PIBF1: variants seen among roughly 807,000 people sequenced by gnomAD.
PIBF1 encodes the protein progesterone-induced-blocking factor 1.
Under a neutral mutation model 112.5 loss-of-function variants are expected in PIBF1, and 90 were observed. That is an observed-to-expected ratio of 0.80 (90% CI 0.67 to 0.95). PIBF1 has a LOEUF of 0.95. Ranked by LOEUF, PIBF1 falls within the 40% of genes least tolerant of loss-of-function variation. PIBF1 has a pLI of 0.00. For synonymous variants in PIBF1, 301 were observed against 288.6 expected (o/e 1.04, Z -0.44); for missense variants, 915 against 852.3 (o/e 1.07, Z -0.92).
rs994794883 is a variant in PIBF1 at position 72,993,240 on chromosome 13, G to A, written c.2050-5582G>A. ...CTCAGGAGGCTAAGGTGGGAGGATC[G>A]CTTGAGCCCAGGAGGCGGAGGTTGT... On this transcript the variant is annotated intron_variant, in intron 16 of 17. Coordinates refer to ENST00000326291, the MANE Select transcript of PIBF1 (RefSeq NM_006346.4). Among the ~76,000 whole-genome samples, 11 of 152,050 alleles carry A rather than the reference G, an allele frequency of 7.2e-5. No individual in the cohort carries two copies. The East Asian group carries it at 1.4e-3, about 19-fold the overall frequency.
rs563979341 is a variant in PIBF1, at chr13:72,893,321, G to T, written c.1323-463G>T. ...TTGTAATATCAAAATATATGTATAT[G>T]TACTAAGTTTATTTTGCAAGTGTTT... is the stretch of plus-strand genomic sequence containing the variant. On this transcript the variant is annotated intron_variant, in intron 10 of 17. Transcript: ENST00000326291. Among the ~76,000 whole-genome samples the T allele has an allele frequency of 7.2e-5, 11 of 152,086 alleles. No individual in the cohort carries two copies. The South Asian group carries it at 2.1e-3, about 29-fold the overall frequency.
At chr13:72,863,421 G>A (rs2038781323) in intron 10 of PIBF1, among the ~76,000 whole-genome samples, 1 of 152,114 alleles carries the variant, frequency 6.6e-6, no homozygotes, top group African/African-American at 2.4e-5. Flanking sequence ...GGAGGCCAAG[G>A]TGGGCGGATC....
rs541255792 is a variant in PIBF1 at position 72,918,625 on chromosome 13, C to G, written c.1730+1459C>G. ...CTGGTCTTGAACTCCTGGCCTTGGC[C>G]TCAAGTGATCCACCTGCCTCGGCCT... is the stretch of plus-strand genomic sequence containing the variant. On this transcript the variant is annotated intron_variant, in intron 13 of 17. Transcript: ENST00000326291. 7.8e-4 allele frequency among the ~76,000 whole-genome samples: 118 copies of G among 151,934 alleles called. No homozygotes were observed. The South Asian group carries it at 9.6e-3, about 12-fold the overall frequency.
intron 16 of PIBF1, 80 bp downstream of exon 16, chr13:72,973,755 C>A: frequency 1.3e-6 from 1 of 753,288 alleles, no homozygotes; most frequent in Non-Finnish European, 2.3e-6. Flanking sequence ...TATTGGATCC[C>A]AGTTGTGCAT....
chr13:72,929,718 T>C (rs1201057942), intron 13 of PIBF1, among the ~76,000 whole-genome samples: 3 of 152,184 alleles, frequency 2.0e-5, no homozygotes, highest in Non-Finnish European at 4.4e-5. Context: ...TGTATGCTTT[T>C]TCCATCTCTA....
chr13:72,872,367 A>C (rs1034672718), intron 10 of PIBF1, among the ~76,000 whole-genome samples: 1 of 152,190 alleles, frequency 6.6e-6, no homozygotes, highest in Non-Finnish European at 1.5e-5. Flanking sequence ...TCATGTGTTA[A>C]TGAAGGCTAT....
At chr13:72,823,885 A>G (rs1238943111) in intron 6 of PIBF1, among the ~76,000 whole-genome samples, 1 of 152,092 alleles carries the variant, frequency 6.6e-6, no homozygotes, top group Non-Finnish European at 1.5e-5. Flanking sequence ...GGGGAATGCT[A>G]TTTAGAAATT....
chr13:72,973,354 G>A (rs2042944528), intron 15 of PIBF1, among the ~76,000 whole-genome samples: 1 of 151,644 alleles, frequency 6.6e-6, no homozygotes, highest in Admixed American at 6.6e-5. Flanking sequence ...GAAAAGAAAA[G>A]AGGAGAGGGA....
chr13:72,851,407 C>T (rs943598502), intron 9 of PIBF1, among the ~76,000 whole-genome samples: 8 of 152,240 alleles, frequency 5.3e-5, no homozygotes, highest in Non-Finnish European at 7.3e-5. Flanking sequence ...CAGGTGTGCC[C>T]GCTCTTGGGG....
chr13:72,819,848 C>G, intron 5 of PIBF1, among the ~76,000 whole-genome samples: 1 of 152,122 alleles, frequency 6.6e-6, no homozygotes, highest in Non-Finnish European at 1.5e-5. Flanking sequence ...ATATTATTGA[C>G]TGCTTCAAAG....
At chr13:72,789,747 A>G (rs186332988) in intron 2 of PIBF1, among the ~76,000 whole-genome samples, 2 of 151,442 alleles carry the variant, frequency 1.3e-5, no homozygotes, top group Admixed American at 6.6e-5. Context: ...ATTTGGGAAT[A>G]TTTGTGTTAG....
intron 15 of PIBF1, among the ~76,000 whole-genome samples, chr13:72,972,717 C>T (rs1410542355): frequency 6.6e-6 from 1 of 152,104 alleles, no homozygotes; most frequent in Non-Finnish European, 1.5e-5. Flanking sequence ...TAGTTTTACC[C>T]TCACAAATTT....
At chr13:73,002,787 C>T (rs2043911987) in intron 17 of PIBF1, among the ~76,000 whole-genome samples, 1 of 151,950 alleles carries the variant, frequency 6.6e-6, no homozygotes, top group South Asian at 2.1e-4. Flanking sequence ...AGTTCGAGAC[C>T]AGCCTGGCCA....
intron 10 of PIBF1, chr13:72,880,970 T>C (rs898396541): frequency 2.6e-5 from 4 of 152,138 alleles, no homozygotes. Flanking sequence ...TTGCCCACTT[T>C]CACCACTGTT....
intron 14 of PIBF1, among the ~76,000 whole-genome samples, chr13:72,951,643 C>A (rs1038579456): frequency 6.6e-6 from 1 of 152,236 alleles, no homozygotes; most frequent in East Asian, 1.9e-4. Flanking sequence ...GTCAGTAAAA[C>A]AGCAGTTGCC....
At chr13:72,966,393 T>A (rs2042739014) in intron 15 of PIBF1, among the ~76,000 whole-genome samples, 1 of 152,198 alleles carries the variant, frequency 6.6e-6, no homozygotes, top group Non-Finnish European at 1.5e-5. Context: ...CATTTATACC[T>A]TAAATGTGTC....
chr13:72,920,875 G>A (rs2041263054), intron 13 of PIBF1, among the ~76,000 whole-genome samples: 1 of 151,986 alleles, frequency 6.6e-6, no homozygotes, highest in South Asian at 2.1e-4. Flanking sequence ...AACAGTAAAT[G>A]AACTATATGC....
intron 14 of PIBF1, among the ~76,000 whole-genome samples, chr13:72,957,570 G>A (rs144590739): frequency 5.5e-4 from 84 of 152,244 alleles, no homozygotes; most frequent in African/African-American, 2.0e-3. Flanking sequence ...AGTGTACACT[G>A]CTCAGGTGAT....
At chr13:73,015,356 T>C (rs185969226) in intron 17 of PIBF1, among the ~76,000 whole-genome samples, 1 of 152,330 alleles carries the variant, frequency 6.6e-6, no homozygotes, top group Non-Finnish European at 1.5e-5. Flanking sequence ...TCACCTCCCC[T>C]GCCTTTTTCT....
Sources: allele counts gnomAD v4.1 joint callset (sites outside exome capture counted in the v4.1 genomes callset), GRCh38; gene constraint gnomAD v4.1.1; transcripts MANE v1.5; gene names NCBI Gene and HGNC (gene_info 2026-07-23, HGNC 2026-07-21).